Variants in CDH18 observed in about 807,000 individuals in gnomAD.
The protein encoded by CDH18 is cadherin-18.
In CDH18, 31 loss-of-function variants were observed where a neutral mutation model predicts 67.9. The observed-to-expected ratio is 0.46, with a 90% CI of 0.34 to 0.62. The LOEUF (loss-of-function observed/expected upper bound fraction) is 0.62. Ranked by LOEUF, CDH18 falls within the 20% of genes least tolerant of loss-of-function variation. The pLI is 0.01. For synonymous variants in CDH18, 362 were observed against 347.2 expected (o/e 1.04, Z -0.48); for missense variants, 890 against 975.5 (o/e 0.91, Z 1.17).
chr5:19,687,186 G>C (rs912086673), intron 5 of CDH18, among the ~76,000 whole-genome samples: 1 of 152,180 alleles, frequency 6.6e-6, no homozygotes, highest in East Asian at 1.9e-4. Flanking sequence ...AGACTGGCTT[G>C]GGGAGCTACC....
chr5:20,345,294 C>T (rs866756090), intron 1 of CDH18, among the ~76,000 whole-genome samples: 1 of 152,068 alleles, frequency 6.6e-6, no homozygotes, highest in Admixed American at 6.6e-5. Flanking sequence ...ATAACTGCTG[C>T]TCTGCTTCTG....
At chr5:19,712,668 CACAT>C (rs1333757514) in intron 5 of CDH18, among the ~76,000 whole-genome samples, 6 of 149,682 alleles carry the variant, frequency 4.0e-5, no homozygotes, top group Non-Finnish European at 7.4e-5. Context: ...CACACACACA[CACAT>C]ATTTATATAT....
At chr5:20,242,679 CCA>C (rs1252281311) in intron 2 of CDH18, among the ~76,000 whole-genome samples, 1 of 81,200 alleles carries the variant, frequency 1.2e-5, no homozygotes, top group Non-Finnish European at 2.5e-5. Flanking sequence ...CCAAGAATTA[CCA>C]GTCTATTTTC....
intron 2 of CDH18, among the ~76,000 whole-genome samples, chr5:20,252,901 A>C (rs1580591233): frequency 6.6e-6 from 1 of 151,132 alleles, no homozygotes; most frequent in South Asian, 2.1e-4. Context: ...GTGCCACTGC[A>C]CTCCAGCCTG....
At chr5:19,921,217 A>G (rs1561562263) in intron 2 of CDH18, among the ~76,000 whole-genome samples, 1 of 152,080 alleles carries the variant, frequency 6.6e-6, no homozygotes, top group Non-Finnish European at 1.5e-5. Context: ...GATTATATAC[A>G]TTTCAAAAAA....
At chr5:20,191,884 T>C (rs1258894896) in intron 2 of CDH18, among the ~76,000 whole-genome samples, 1 of 152,134 alleles carries the variant, frequency 6.6e-6, no homozygotes, top group African/African-American at 2.4e-5. Flanking sequence ...AGTAATGGGA[T>C]TGCTAGGTCA....
intron 2 of CDH18, among the ~76,000 whole-genome samples, chr5:19,937,801 G>A (rs1176071738): frequency 6.6e-6 from 1 of 150,528 alleles, no homozygotes; most frequent in Non-Finnish European, 1.5e-5. Context: ...TATATATATA[G>A]AGAGAGACAT....
intron 1 of CDH18, among the ~76,000 whole-genome samples, chr5:20,469,645 A>C (rs1051253151): frequency 6.6e-6 from 1 of 151,964 alleles, no homozygotes; most frequent in Admixed American, 6.5e-5. Context: ...TTTTTCTATA[A>C]TTCTCTTATC....
intron 2 of CDH18, among the ~76,000 whole-genome samples, chr5:19,883,444 A>ATT (rs56161925): frequency 0.32 from 47,372 of 146,848 alleles, 8,210 homozygotes; most frequent in South Asian, 0.4. Flanking sequence ...CTACATCAAC[A>ATT]TTTTTTTTTT....
At chr5:20,104,185 T>G (rs1746724141) in intron 2 of CDH18, among the ~76,000 whole-genome samples, 1 of 151,768 alleles carries the variant, frequency 6.6e-6, no homozygotes, top group African/African-American at 2.4e-5. Context: ...ATTTAAATCC[T>G]TTTTTTGGTC....
At chr5:19,777,619 A>T (rs1774551425) in intron 3 of CDH18, among the ~76,000 whole-genome samples, 1 of 152,204 alleles carries the variant, frequency 6.6e-6, no homozygotes, top group Non-Finnish European at 1.5e-5. Flanking sequence ...AGAACAAACT[A>T]GCCTTGAGAT....
intron 2 of CDH18, among the ~76,000 whole-genome samples, chr5:20,237,071 C>T (rs1742529420): frequency 6.6e-6 from 1 of 151,914 alleles, no homozygotes; most frequent in African/African-American, 2.4e-5. Context: ...ATATAACAAA[C>T]TACTAAAGCT....
At chr5:20,000,489 G>A (rs1736356543) in intron 2 of CDH18, among the ~76,000 whole-genome samples, 1 of 152,190 alleles carries the variant, frequency 6.6e-6, no homozygotes, top group Non-Finnish European at 1.5e-5. Flanking sequence ...AGTAGAAAGT[G>A]AGAAGAAAGT....
intron 8 of CDH18, among the ~76,000 whole-genome samples, chr5:19,558,585 T>TCGTGTTCATAAGGGTC: frequency 6.6e-6 from 1 of 151,632 alleles, no homozygotes; most frequent in Non-Finnish European, 1.5e-5. Flanking sequence ...CCCTCCTAGA[T>TCGTGTTCATAAGGGTC]TAAACAAGGA....
intron 1 of CDH18, among the ~76,000 whole-genome samples, chr5:20,558,029 A>C (rs997925554): frequency 2.4e-4 from 34 of 143,634 alleles, no homozygotes; most frequent in Non-Finnish European, 3.8e-4. Flanking sequence ...TAAATGTTAT[A>C]GTTATATAAC....
chr5:19,744,503 TACACACACACACACAC>T (rs34059092), intron 4 of CDH18, among the ~76,000 whole-genome samples: 4 of 146,270 alleles, frequency 2.7e-5, no homozygotes, highest in African/African-American at 5.0e-5. Flanking sequence ...TAACTCAGTG[TACACACACACACACAC>T]ACACACACAC....
intron 5 of CDH18, among the ~76,000 whole-genome samples, chr5:19,698,772 T>A (rs1029539870): frequency 7.2e-5 from 11 of 152,074 alleles, no homozygotes; most frequent in African/African-American, 2.7e-4. Context: ...GAAAGAGATA[T>A]TCAATATTTC....
chr5:20,401,226 G>A (rs556037680), intron 1 of CDH18, among the ~76,000 whole-genome samples: 17 of 152,166 alleles, frequency 1.1e-4, no homozygotes, highest in African/African-American at 3.1e-4. Flanking sequence ...TTCTAATTTC[G>A]AATATATTTA....
At chr5:19,561,608 C>T (rs926460457) in intron 8 of CDH18, among the ~76,000 whole-genome samples, 17 of 152,060 alleles carry the variant, frequency 1.1e-4, no homozygotes, top group Non-Finnish European at 2.2e-4. Flanking sequence ...CACTAAATAA[C>T]ATATTCATGT....
Sources: gnomAD v4.1 joint callset for allele counts (sites outside exome capture counted in the v4.1 genomes callset) on GRCh38, gnomAD v4.1.1 for gene constraint, MANE v1.5 for transcripts, NCBI Gene and HGNC (gene_info 2026-07-23, HGNC 2026-07-21) for gene names.